The following KDM4C variants were observed in gnomAD, a reference collection of about 807,000 sequenced individuals.
KDM4C encodes lysine demethylase 4C, also known as lysine-specific demethylase 4C.
KDM4C carries 81 observed loss-of-function variants against 129.3 expected under a neutral mutation model. That is an observed-to-expected ratio of 0.63 (90% CI 0.52 to 0.75). The LOEUF is 0.75. Among genes scored for constraint, KDM4C ranks in the 30% least tolerant of loss-of-function variants. KDM4C has a pLI of 0.00. For missense variants in KDM4C, 1,457 were observed against 1,304.0 expected, an observed-to-expected ratio of 1.12 and a Z score of -1.81; for synonymous variants, 573 against 456.1, an observed-to-expected ratio of 1.26 and a Z score of -3.26.
At chr9:6,983,644 C>T (rs554637633) in intron 9 of KDM4C, among the ~76,000 whole-genome samples, 4 of 150,026 alleles carry the variant, frequency 2.7e-5, no homozygotes, top group Admixed American at 1.3e-4. Context: ...TAAATCCTTT[C>T]GCTATTGATG....
intron 17 of KDM4C, among the ~76,000 whole-genome samples, chr9:7,095,546 A>G (rs1441962623): frequency 6.6e-6 from 1 of 151,950 alleles, no homozygotes; most frequent in Admixed American, 6.6e-5. Context: ...TTCTTGGAGC[A>G]ATAGAGAGCT....
chr9:6,845,236 C>T (rs180946062), intron 4 of KDM4C, among the ~76,000 whole-genome samples: 70 of 152,248 alleles, frequency 4.6e-4, no homozygotes, highest in African/African-American at 1.4e-3. Context: ...CTGATTGAGA[C>T]AGGGTCTTGC....
chr9:6,734,034 T>C (rs1405046434), intron 1 of KDM4C, among the ~76,000 whole-genome samples: 4 of 152,188 alleles, frequency 2.6e-5, no homozygotes, highest in Non-Finnish European at 5.9e-5. Flanking sequence ...TGACCTCCTA[T>C]GTCATCCTGT....
intron 12 of KDM4C, among the ~76,000 whole-genome samples, chr9:7,003,432 G>GT (rs76432143): frequency 0.02 from 2,595 of 130,498 alleles, 65 homozygotes; most frequent in African/African-American, 0.062. Context: ...TATCATGGGT[G>GT]TTTTTTTTTT....
At chr9:6,901,808 C>G (rs140922447) in intron 8 of KDM4C, among the ~76,000 whole-genome samples, 298 of 152,266 alleles carry the variant, frequency 2.0e-3, no homozygotes, top group African/African-American at 6.8e-3. Flanking sequence ...CTTTTAGCAC[C>G]TATTATTTGG....
intron 1 of KDM4C, among the ~76,000 whole-genome samples, chr9:6,768,821 G>C (rs1179408694): frequency 6.6e-6 from 1 of 151,572 alleles, no homozygotes; most frequent in African/African-American, 2.4e-5. Flanking sequence ...TGCCCAGGCT[G>C]GAGTGCAGTG....
At position 6,984,239 on chromosome 9, in the gene KDM4C, G is replaced by C. The variant is rs760506750; in HGVS notation, c.1189G>C (p.Gly397Arg). 1.2e-6 allele frequency: 2 copies of C among 1,613,832 alleles called. No homozygotes were observed. Among genetic ancestry groups the C allele is most frequent in the Admixed American group, 1.7e-5 (1 of 59,982 alleles). Residue 397 changes from glycine to arginine, a missense_variant, in exon 10 of 22, where the codon GGG (glycine) becomes CGG (arginine). Gly to Arg is a moderately radical substitution (Grantham distance 125). Transcript: ENST00000381309. ...AGAGGAAGTGTCAGATGAAGTCGAT[G>C]GGGCAGAGGTCCCTAACCCCGACTC... is the stretch of plus-strand genomic sequence containing the variant. ...EEEEVSDEVD[G>R]AEVPNPDSVT...
chr9:6,741,394 C>A (rs2130261116), intron 1 of KDM4C, among the ~76,000 whole-genome samples: 1 of 151,748 alleles, frequency 6.6e-6, no homozygotes, highest in South Asian at 2.1e-4. Flanking sequence ...GACTCTATCT[C>A]AAAAAACAAA....
chr9:7,102,516 C>A (rs1438071816), intron 17 of KDM4C, among the ~76,000 whole-genome samples: 7 of 151,894 alleles, frequency 4.6e-5, no homozygotes, highest in Non-Finnish European at 1.0e-4. Context: ...GGGCAAGACA[C>A]CGTGGGCGGA....
intron 8 of KDM4C, among the ~76,000 whole-genome samples, chr9:6,954,377 A>G (rs1828706380): frequency 1.3e-5 from 2 of 152,104 alleles, no homozygotes; most frequent in Non-Finnish European, 2.9e-5. Flanking sequence ...GTATTTTCGT[A>G]GAACTCTGCA....
intron 17 of KDM4C, among the ~76,000 whole-genome samples, chr9:7,064,487 AAATG>A (rs1832142295): frequency 6.6e-6 from 1 of 152,150 alleles, no homozygotes; most frequent in Non-Finnish European, 1.5e-5. Flanking sequence ...GGTTGGAGAG[AAATG>A]AATTGATACG....
chr9:7,001,014 A>G (rs1820625568), intron 12 of KDM4C, among the ~76,000 whole-genome samples: 1 of 152,344 alleles, frequency 6.6e-6, no homozygotes. Flanking sequence ...CACGTTGGTC[A>G]TGGAAGTTAA....
At chr9:6,876,904 G>T (rs766501778) in intron 5 of KDM4C, among the ~76,000 whole-genome samples, 27 of 152,242 alleles carry the variant, frequency 1.8e-4, no homozygotes, top group Admixed American at 3.9e-4. Context: ...AAAAAGCTTC[G>T]CATACACAAA....
chr9:6,834,720 C>T, intron 4 of KDM4C: 2 of 913,936 alleles, frequency 2.2e-6, no homozygotes, highest in Non-Finnish European at 3.7e-6. Flanking sequence ...TGGCACCACA[C>T]CTTCTAAAGG....
Position 6,944,719 on chromosome 9 carries a change from A to T in KDM4C, c.922-36206A>T, listed in dbSNP as rs572190346. On this transcript the variant is annotated intron_variant, in intron 8 of 21. Transcript: ENST00000381309. ...AACAGCACAGCATAGGGAACCATTG[A>T]TCTTAGGAAGAGCTTGTTAGTAGAT... Among the ~76,000 whole-genome samples, 11 of 123,400 alleles carry T rather than the reference A, an allele frequency of 8.9e-5. No homozygotes were observed. In the Admixed American group the frequency reaches 1.2e-3, roughly 14 times the overall value. 81.0% of individuals were successfully genotyped at this position (123,400 alleles called of 152,430 possible). A position where few individuals can be genotyped will look rare whatever the true frequency, so the allele number is the denominator to read the frequency against.
chr9:7,063,563 G>A (rs1354170353), intron 17 of KDM4C, among the ~76,000 whole-genome samples: 1 of 152,210 alleles, frequency 6.6e-6, no homozygotes, highest in Admixed American at 6.5e-5. Context: ...ATGTAGTTAG[G>A]TGATAAAGTT....
chr9:7,094,225 G>A (rs1182414501), intron 17 of KDM4C, among the ~76,000 whole-genome samples: 2 of 152,226 alleles, frequency 1.3e-5, no homozygotes, highest in African/African-American at 2.4e-5. Flanking sequence ...ATCCTGATGA[G>A]TAATACAGTG....
At chr9:7,111,803 C>T (rs1217596399) in intron 18 of KDM4C, among the ~76,000 whole-genome samples, 4 of 152,050 alleles carry the variant, frequency 2.6e-5, no homozygotes, top group South Asian at 2.1e-4. Flanking sequence ...AGTGAAACCC[C>T]GTTTTTATAT....
chr9:7,110,278 A>G (rs13292853), intron 18 of KDM4C, among the ~76,000 whole-genome samples: 54,083 of 152,036 alleles, frequency 0.36, 10,013 homozygotes, highest in Middle Eastern at 0.5. Context: ...AAAGGTGCAC[A>G]TTACCATGTT....
Sources: gnomAD v4.1 joint callset for allele counts (sites outside exome capture counted in the v4.1 genomes callset) on GRCh38, gnomAD v4.1.1 for gene constraint, MANE v1.5 for transcripts, NCBI Gene and HGNC (gene_info 2026-07-23, HGNC 2026-07-21) for gene names.